Variants in SOX6 observed in about 807,000 individuals in gnomAD.
SOX6 encodes SRY-box transcription factor 6.
Under a neutral mutation model 97.8 loss-of-function variants are expected in SOX6, and 11 were observed. That is an observed-to-expected ratio of 0.11 (90% CI 0.07 to 0.19). SOX6 has a LOEUF of 0.19. Ranked by LOEUF, SOX6 falls within the 10% of genes least tolerant of loss-of-function variation. The pLI is 1.00. For synonymous variants in SOX6, 360 were observed against 371.4 expected (o/e 0.97, Z 0.35); for missense variants, 810 against 1,039.5 (o/e 0.78, Z 3.04).
intron 4 of SOX6, among the ~76,000 whole-genome samples, chr11:16,591,447 G>A (rs991692750): frequency 6.6e-6 from 1 of 151,964 alleles, no homozygotes; most frequent in African/African-American, 2.4e-5. Flanking sequence ...GGTCTTCAAG[G>A]CAAAGGTGAT....
At chr11:16,676,876 C>A (rs1430333349) in intron 3 of SOX6, among the ~76,000 whole-genome samples, 11 of 151,666 alleles carry the variant, frequency 7.3e-5, no homozygotes, top group African/African-American at 2.7e-4. Context: ...AACTTGAGGT[C>A]TTTCTCAGGT....
chr11:16,084,651 C>A (rs769278265), intron 9 of SOX6, among the ~76,000 whole-genome samples: 1 of 152,158 alleles, frequency 6.6e-6, no homozygotes, highest in Non-Finnish European at 1.5e-5. Context: ...AACCAAGAAG[C>A]ACCACTTTCC....
chr11:16,389,886 C>T lies in SOX6; in HGVS notation c.-4-48634G>A, dbSNP rs368023683. 9.5e-3 allele frequency among the ~76,000 whole-genome samples: 1,334 copies of T among 139,910 alleles called. 5 individuals are homozygous for T. Among genetic ancestry groups the T allele is most frequent in the Non-Finnish European group, 0.014 (902 of 66,022 alleles). 91.8% of individuals were successfully genotyped at this position (139,910 alleles called of 152,430 possible). A position where few individuals can be genotyped will look rare whatever the true frequency, so the allele number is the denominator to read the frequency against. On this transcript the variant is annotated intron_variant, in intron 1 of 15. Transcript: ENST00000396356. ...TCGGGAGGCTGAGGCAGGAGAATGGCGTGAACCCAGGAGGTGGAGCTTGCA... is the reference window on the plus strand; with the variant it reads ...TCGGGAGGCTGAGGCAGGAGAATGGTGTGAACCCAGGAGGTGGAGCTTGCA...
chr11:16,228,257 C>G (rs1030471309), intron 4 of SOX6, among the ~76,000 whole-genome samples: 3 of 151,568 alleles, frequency 2.0e-5, no homozygotes, highest in Admixed American at 6.6e-5. Context: ...GCACCCAGGC[C>G]AAAGTAAAAG....
chr11:16,418,136 A>G (rs1210408157), intron 1 of SOX6, among the ~76,000 whole-genome samples: 1 of 152,202 alleles, frequency 6.6e-6, no homozygotes, highest in Non-Finnish European at 1.5e-5. Flanking sequence ...TTCACCTTAC[A>G]GTACTATATC....
chr11:16,664,221 G>A (rs1222994759), intron 3 of SOX6, among the ~76,000 whole-genome samples: 1 of 152,176 alleles, frequency 6.6e-6, no homozygotes, highest in Non-Finnish European at 1.5e-5. Context: ...ACATTCATAA[G>A]AACCAAAAAT....
At chr11:16,358,888 T>A (rs1266561048), upstream of SOX6, among the ~76,000 whole-genome samples, 2 of 152,168 alleles carry the variant, frequency 1.3e-5, no homozygotes, top group Non-Finnish European at 2.9e-5. Flanking sequence ...TTGCCAGTTC[T>A]GTGTCTACTA....
At chr11:16,715,624 T>C (rs1343555772) in intron 2 of SOX6, among the ~76,000 whole-genome samples, 2 of 151,844 alleles carry the variant, frequency 1.3e-5, no homozygotes, top group Admixed American at 6.6e-5. Context: ...AACAGAAACA[T>C]TGTAGGAATA....
intron 4 of SOX6, among the ~76,000 whole-genome samples, chr11:16,220,546 G>A (rs947388709): frequency 6.6e-6 from 1 of 151,900 alleles, no homozygotes; most frequent in African/African-American, 2.4e-5. Flanking sequence ...CAATTTCTGG[G>A]GCTTCCTTGC....
intron 10 of SOX6, among the ~76,000 whole-genome samples, chr11:16,053,010 C>A (rs764869648): frequency 5.3e-5 from 8 of 152,150 alleles, no homozygotes; most frequent in Non-Finnish European, 1.2e-4. Context: ...TGCTCAGGGG[C>A]AGCCTTTTGC....
intron 3 of SOX6, among the ~76,000 whole-genome samples, chr11:16,257,911 C>T (rs1244017115): frequency 6.6e-6 from 1 of 151,760 alleles, no homozygotes; most frequent in Non-Finnish European, 1.5e-5. Flanking sequence ...CAGACACCAC[C>T]AAAGAAGATA....
chr11:15,987,176 A>G (rs1215927706), intron 14 of SOX6, among the ~76,000 whole-genome samples: 1 of 152,224 alleles, frequency 6.6e-6, no homozygotes, highest in Non-Finnish European at 1.5e-5. Flanking sequence ...ACATGTATCA[A>G]ATTGCATTTT....
intron 4 of SOX6, among the ~76,000 whole-genome samples, chr11:16,525,221 A>C (rs946760083): frequency 5.9e-5 from 9 of 152,174 alleles, no homozygotes; most frequent in Non-Finnish European, 8.8e-5. Flanking sequence ...ACGCTACCTG[A>C]CTTCAAACTA....
chr11:16,492,194 A>C (rs1003011850), intron 4 of SOX6, among the ~76,000 whole-genome samples: 9 of 152,328 alleles, frequency 5.9e-5, no homozygotes, highest in Admixed American at 5.9e-4. Context: ...AGACACCATA[A>C]GAGAGTAAAA....
chr11:16,234,801 T>C (rs1852966674), intron 3 of SOX6, 130 bp from the exon 4 acceptor site: 4 of 506,782 alleles, frequency 7.9e-6, no homozygotes, highest in East Asian at 3.4e-5. Context: ...CCCCAGGATA[T>C]AGAAAATTAC....
chr11:16,446,040 C>T (rs1316650279), intron 1 of SOX6, among the ~76,000 whole-genome samples: 4 of 151,878 alleles, frequency 2.6e-5, no homozygotes, highest in African/African-American at 9.7e-5. Context: ...GACAGAGATG[C>T]AAAAAGGCAG....
chr11:16,163,723 A>T (rs1216378263), intron 6 of SOX6, among the ~76,000 whole-genome samples: 1 of 152,222 alleles, frequency 6.6e-6, no homozygotes, highest in Non-Finnish European at 1.5e-5. Flanking sequence ...ACGCTACATG[A>T]TTTTGGCTTC....
intron 4 of SOX6, among the ~76,000 whole-genome samples, chr11:16,553,717 C>G (rs1020680765): frequency 6.6e-6 from 1 of 151,962 alleles, no homozygotes; most frequent in Non-Finnish European, 1.5e-5. Flanking sequence ...GATTGGTGCT[C>G]CTAACTCCAA....
chr11:16,400,556 T>A (rs1345164520), intron 1 of SOX6, among the ~76,000 whole-genome samples: 1 of 151,538 alleles, frequency 6.6e-6, no homozygotes, highest in African/African-American at 2.4e-5. Context: ...TGATGGTATA[T>A]GATGTAGTGA....
Sources: allele counts gnomAD v4.1 joint callset (sites outside exome capture counted in the v4.1 genomes callset), GRCh38; gene constraint gnomAD v4.1.1; transcripts MANE v1.5; gene names NCBI Gene and HGNC (gene_info 2026-07-23, HGNC 2026-07-21).